The following MBP variants were observed in gnomAD, a reference collection of about 807,000 sequenced individuals.
MBP encodes myelin basic protein.
Under a neutral mutation model 35.8 loss-of-function variants are expected in MBP, and 16 were observed. That is an observed-to-expected ratio of 0.45 (90% CI 0.30 to 0.68). The LOEUF is 0.68. MBP is among the 30% of genes least tolerant of loss of function. MBP has a pLI of 0.08. For synonymous variants in MBP, 143 were observed against 159.6 expected, an observed-to-expected ratio of 0.90 and a Z score of 0.78; for missense variants, 380 against 404.7, an observed-to-expected ratio of 0.94 and a Z score of 0.52.
intron 3 of MBP, among the ~76,000 whole-genome samples, chr18:77,039,295 G>T (rs1484991707): frequency 6.6e-6 from 1 of 152,174 alleles, no homozygotes; most frequent in African/African-American, 2.4e-5. Flanking sequence ...ACAGGCAGGG[G>T]TGACTAGTTG....
At chr18:77,126,265 A>G (rs531810604) in intron 1 of MBP, among the ~76,000 whole-genome samples, 2 of 152,368 alleles carry the variant, frequency 1.3e-5, no homozygotes, top group South Asian at 2.1e-4. Flanking sequence ...GTGGGTCAGC[A>G]TTAGAGAGTC....
intron 4 of MBP, among the ~76,000 whole-genome samples, chr18:77,011,092 G>A (rs1428648912): frequency 1.3e-5 from 2 of 152,210 alleles, no homozygotes; most frequent in Admixed American, 6.5e-5. Flanking sequence ...ACACACCGGG[G>A]TTTTCAGAGG....
intron 4 of MBP, among the ~76,000 whole-genome samples, chr18:76,998,997 T>C (rs1318843648): frequency 2.7e-5 from 4 of 146,666 alleles, no homozygotes; most frequent in African/African-American, 5.1e-5. Context: ...GTTTTGGGGG[T>C]TTAAGAGCAG....
rs1175597404 is a variant in MBP, at chr18:77,041,465, A to T, written c.140-24197T>A. On this transcript the variant is annotated intron_variant, in intron 3 of 8. Transcript: ENST00000355994. The stretch of plus-strand genomic sequence containing the variant: ...AGGATTATAAAACATGCTGCTATAA[A>T]GACACATGCACACCTATGTTTATTG... Among the ~76,000 whole-genome samples the T allele has an allele frequency of 3.9e-5, 6 of 152,228 alleles. No individual in the cohort carries two copies. In the East Asian group the frequency reaches 9.6e-4, roughly 24 times the overall value.
chr18:77,028,765 C>A (rs1424886974), intron 3 of MBP, among the ~76,000 whole-genome samples: 1 of 102,560 alleles, frequency 9.8e-6, no homozygotes, highest in East Asian at 2.8e-4. Context: ...CCCCCACCTC[C>A]CTCCCGGACG....
At chr18:77,015,429 A>G (rs147137062) in intron 4 of MBP, 2 of 985,472 alleles carry the variant, frequency 2.0e-6, no homozygotes, top group African/African-American at 3.5e-5. Flanking sequence ...AAGTGCTTCC[A>G]GTTGAAATTA....
At chr18:77,128,799 G>C (rs1016289207) in intron 1 of MBP, among the ~76,000 whole-genome samples, 1 of 152,190 alleles carries the variant, frequency 6.6e-6, no homozygotes, top group Non-Finnish European at 1.5e-5. Flanking sequence ...GTTTTCCCTA[G>C]AGGAGATACC....
chr18:77,042,346 G>A (rs1378790583), intron 3 of MBP, among the ~76,000 whole-genome samples: 3 of 152,138 alleles, frequency 2.0e-5, no homozygotes, highest in African/African-American at 4.8e-5. Context: ...TGGGCACCAC[G>A]CTTTGAGCCC....
intron 2 of MBP, among the ~76,000 whole-genome samples, chr18:77,092,915 C>A (rs1975595705): frequency 1.3e-5 from 2 of 152,182 alleles, no homozygotes; most frequent in South Asian, 4.1e-4. Context: ...GTGCGTATTT[C>A]GCTGTTTCTG....
At chr18:77,103,575 C>T (rs536379902) in intron 2 of MBP, among the ~76,000 whole-genome samples, 5 of 152,320 alleles carry the variant, frequency 3.3e-5, no homozygotes, top group African/African-American at 1.2e-4. Context: ...CTTCCCTCTC[C>T]GAGAACCTCC....
chr18:76,984,469 G>A (rs470546), intron 8 of MBP: 53,693 of 340,476 alleles, frequency 0.16, 4,885 homozygotes, highest in East Asian at 0.26. Context: ...CTGGGCATGA[G>A]CAAGTTGGAC....
At chr18:77,018,205 C>G (rs1438128451) in intron 3 of MBP, among the ~76,000 whole-genome samples, 2 of 149,672 alleles carry the variant, frequency 1.3e-5, no homozygotes, top group Non-Finnish European at 1.5e-5. Context: ...ATCCATCCAT[C>G]CATGCATCCA....
chr18:77,126,115 CA>C (rs1435563335), intron 1 of MBP, among the ~76,000 whole-genome samples: 1 of 152,044 alleles, frequency 6.6e-6, no homozygotes, highest in Non-Finnish European at 1.5e-5. Flanking sequence ...AAAGACTATA[CA>C]AAAAATGAGA....
chr18:77,031,451 C>T (rs949154420), intron 3 of MBP, among the ~76,000 whole-genome samples: 24 of 152,178 alleles, frequency 1.6e-4, no homozygotes, highest in African/African-American at 5.1e-4. Context: ...TTCAGGAACA[C>T]GTGAAGAAAG....
chr18:77,000,538 T>C (rs1344288478), intron 4 of MBP, among the ~76,000 whole-genome samples: 1 of 152,234 alleles, frequency 6.6e-6, no homozygotes, highest in Non-Finnish European at 1.5e-5. Context: ...CATTTATTTG[T>C]AAAAGAAATT....
chr18:77,032,028 T>C (rs470186), intron 3 of MBP, among the ~76,000 whole-genome samples: 12,853 of 152,226 alleles, frequency 0.084, 1,189 homozygotes, highest in East Asian at 0.24. Context: ...TGAGGAGAGC[T>C]TGGGGCTAAA....
chr18:77,061,606 C>G (rs1467756935), intron 3 of MBP, among the ~76,000 whole-genome samples: 1 of 152,224 alleles, frequency 6.6e-6, no homozygotes, highest in Admixed American at 6.5e-5. Flanking sequence ...TCCCCTTCCA[C>G]TTGGGCAGCT....
chr18:77,029,867 C>A (rs376937317), intron 3 of MBP, among the ~76,000 whole-genome samples: 103 of 152,014 alleles, frequency 6.8e-4, no homozygotes, highest in Non-Finnish European at 1.4e-3. Context: ...AAATTTAGCC[C>A]GGAAACTAAT....
intron 3 of MBP, among the ~76,000 whole-genome samples, chr18:77,043,315 A>G (rs1973090776): frequency 6.6e-6 from 1 of 152,236 alleles, no homozygotes; most frequent in Admixed American, 6.5e-5. Context: ...GAAAGTCAAC[A>G]TCTCCATGTC....
Sources: allele counts gnomAD v4.1 joint callset (sites outside exome capture counted in the v4.1 genomes callset), GRCh38; gene constraint gnomAD v4.1.1; transcripts MANE v1.5; gene names NCBI Gene and HGNC (gene_info 2026-07-23, HGNC 2026-07-21).